The following LRRC27 variants were observed in gnomAD, a reference collection of about 807,000 sequenced individuals.
LRRC27 encodes the protein leucine-rich repeat-containing protein 27.
Under a neutral mutation model 55.0 loss-of-function variants are expected in LRRC27, and 57 were observed. That is an observed-to-expected ratio of 1.04 (90% CI 0.84 to 1.29). LRRC27 has a LOEUF of 1.29. Among genes scored for constraint, LRRC27 ranks in the 50% most tolerant of loss-of-function variants. The pLI is 0.00. For synonymous variants in LRRC27, 278 were observed against 251.9 expected (o/e 1.10, Z -0.98); for missense variants, 721 against 651.5 (o/e 1.11, Z -1.16).
intron 2 of LRRC27, among the ~76,000 whole-genome samples, chr10:132,335,582 G>T (rs985375618): frequency 6.8e-6 from 1 of 146,952 alleles, no homozygotes; most frequent in African/African-American, 2.6e-5. Context: ...CTATGGGGGG[G>T]GTCACAGTCT....
At chr10:132,347,913 C>T in intron 5 of LRRC27, 71 bp from the exon 6 acceptor site, 2 of 1,513,518 alleles carry the variant, frequency 1.3e-6, no homozygotes, top group Non-Finnish European at 1.8e-6. Context: ...CAGGCCGTCA[C>T]TGGCTTTTTG....
Position 132,333,595 on chromosome 10 carries a change from C to T in LRRC27, c.71C>T (p.Thr24Ile). The change falls in exon 2 of 11, where the codon ACT (threonine) becomes ATT (isoleucine). Residue 24 changes from threonine to isoleucine, a missense_variant. Thr to Ile is a moderately conservative substitution (Grantham distance 89). Coordinates refer to ENST00000368614, the MANE Select transcript of LRRC27 (RefSeq NM_030626.3). ...GATCTGGAGGAGGGTGCTGGTCAGA[C>T]TAGGAGCTTGCCTGCCACCCCCTCC... ...AADLEEGAGQ[T>I]RSLPATPSKD... The T allele has an allele frequency of 6.2e-7, 1 of 1,612,534 alleles. No homozygotes were observed. The highest frequency in any genetic ancestry group is 8.5e-7 in the Non-Finnish European group (1 of 1,180,002).
chr10:132,356,384 G>A (rs1456240596), intron 8 of LRRC27, among the ~76,000 whole-genome samples: 1 of 152,044 alleles, frequency 6.6e-6, no homozygotes, highest in Non-Finnish European at 1.5e-5. Flanking sequence ...TATGGGACAT[G>A]GGATATCCTG....
Position 132,375,328 on chromosome 10 carries a change from G to T in LRRC27, c.*86G>T. 10 of 1,307,282 alleles carry T rather than the reference G, an allele frequency of 7.6e-6. No homozygotes were observed. Among genetic ancestry groups the T allele is most frequent in the Non-Finnish European group, 1.1e-5 (10 of 948,626 alleles). The allele number at this position is 1,307,282 out of a possible 1,614,324, so 81.0% of individuals were successfully genotyped here. Reference sequence around the variant, plus strand: ...GGGCGTCGCCTCCTGTGTGGTGCCGGAAGAGCGCCAGGTTCAGTGTTACCC... The same window carrying T: ...GGGCGTCGCCTCCTGTGTGGTGCCGTAAGAGCGCCAGGTTCAGTGTTACCC... On this transcript the variant is annotated 3_prime_UTR_variant, in exon 11 of 11. Coordinates refer to ENST00000368614, the MANE Select transcript of LRRC27 (RefSeq NM_030626.3).
chr10:132,340,125 G>C (rs946549911), intron 3 of LRRC27, among the ~76,000 whole-genome samples: 1 of 152,142 alleles, frequency 6.6e-6, no homozygotes. Flanking sequence ...GCATGGATCC[G>C]TTCATTTACC....
chr10:132,365,355 T>C (rs2069018514), intron 9 of LRRC27, 69 bp from the exon 10 acceptor site: 11 of 1,579,090 alleles, frequency 7.0e-6, no homozygotes, highest in Non-Finnish European at 9.5e-6. Context: ...TCTCCCTGGT[T>C]ATGGCGGGAG....
At chr10:132,332,947 C>G (rs1216634831) in intron 1 of LRRC27, among the ~76,000 whole-genome samples, 1 of 152,148 alleles carries the variant, frequency 6.6e-6, no homozygotes, top group African/African-American at 2.4e-5. Context: ...TGCTGGACAA[C>G]GAAAATTCGA....
intron 9 of LRRC27, among the ~76,000 whole-genome samples, 189 bp downstream of exon 9, chr10:132,361,764 G>T (rs1426959965): frequency 3.3e-5 from 5 of 152,090 alleles, no homozygotes; most frequent in African/African-American, 1.2e-4. Context: ...GGAAGATGGG[G>T]TCCTTGCCCT....
intron 10 of LRRC27, among the ~76,000 whole-genome samples, chr10:132,369,977 C>T (rs2133102653): frequency 1.3e-5 from 2 of 152,224 alleles, no homozygotes; most frequent in South Asian, 4.1e-4. Context: ...ACCTGTCTCT[C>T]CATTGACTTT....
chr10:132,331,585 A>T, upstream of LRRC27: 1 of 1,612,940 alleles, frequency 6.2e-7, no homozygotes, highest in Non-Finnish European at 8.5e-7. Context: ...AGGAAGCCCC[A>T]GGAGAGACGC....
chr10:132,374,443 G>GC lies in LRRC27; in HGVS notation c.1417-617dup, dbSNP rs1202250687. ...CCCTCCTCAGTTTATCCACCTGAGG[G>GC]CCCCCCGCAGTGCCCTCCTCAGCCT... On this transcript the variant is annotated intron_variant, in intron 10 of 10. Transcript: ENST00000368614. The surrounding 1 kb of genome is among the most constrained non-coding windows in gnomAD (Gnocchi z 4.4). 2.0e-5 allele frequency among the ~76,000 whole-genome samples: 3 copies of GC among 152,108 alleles called. No homozygotes were observed. Among genetic ancestry groups the GC allele is most frequent in the African/African-American group, 7.2e-5 (3 of 41,426 alleles).
chr10:132,373,976 CAAGT>C (rs2069280688), intron 10 of LRRC27, among the ~76,000 whole-genome samples: 1 of 152,226 alleles, frequency 6.6e-6, no homozygotes, highest in Non-Finnish European at 1.5e-5. Context: ...GGGTCAGTAA[CAAGT>C]AACATTGACC....
At chr10:132,331,747 T>A (rs541935776), upstream of LRRC27, 1 of 1,611,638 alleles carries the variant, frequency 6.2e-7, no homozygotes, top group East Asian at 2.2e-5. Context: ...CCCGCTCTCT[T>A]CCTTCCCCTC....
At chr10:132,362,515 C>G (rs542670325) in intron 9 of LRRC27, among the ~76,000 whole-genome samples, 2 of 152,128 alleles carry the variant, frequency 1.3e-5, no homozygotes, top group Non-Finnish European at 2.9e-5. Flanking sequence ...AGGACGGAAG[C>G]TGGAGGCTGG....
chr10:132,369,385 C>T (rs1325322887), intron 10 of LRRC27, among the ~76,000 whole-genome samples: 2 of 152,140 alleles, frequency 1.3e-5, no homozygotes, highest in African/African-American at 4.8e-5. Context: ...CAGCAGGTGA[C>T]TGGATAAACT....
At position 132,372,999 on chromosome 10, in the gene LRRC27, C is replaced by T. The variant is rs552749990; in HGVS notation, c.1417-2067C>T. On this transcript the variant is annotated intron_variant, in intron 10 of 10. Transcript: ENST00000368614. The surrounding 1 kb of genome is among the most constrained non-coding windows in gnomAD (Gnocchi z 4.0). ...AGGCCAAAGCCAGCCGGCTGGGGAG[C>T]GAGCTTCGAATGGATGCGAACATTA... Among the ~76,000 whole-genome samples the T allele has an allele frequency of 7.9e-5, 12 of 152,126 alleles. No homozygotes were observed. Among genetic ancestry groups the T allele is most frequent in the East Asian group, 7.7e-4 (4 of 5,168 alleles).
rs2069372565 is a variant in LRRC27 at position 132,378,817 on chromosome 10, G to C, written c.*3575G>C. 6.6e-6 allele frequency: 1 copy of C among 152,650 alleles called. No individual in the cohort carries two copies. Among genetic ancestry groups the C allele is most frequent in the Admixed American group, 6.5e-5 (1 of 15,292 alleles). 9.5% of individuals were successfully genotyped at this position (152,650 alleles called of 1,614,324 possible). A position where few individuals can be genotyped will look rare whatever the true frequency, so the allele number is the denominator to read the frequency against. On this transcript the variant is annotated 3_prime_UTR_variant, in exon 11 of 11. Coordinates refer to ENST00000368614, the MANE Select transcript of LRRC27 (RefSeq NM_030626.3). ...TTTCCTCGGCCGAGTCAGGCTTCCTGGTGAGCCTCAGGGAGTGCATGGTCT... is the reference window on the plus strand; with the variant it reads ...TTTCCTCGGCCGAGTCAGGCTTCCTCGTGAGCCTCAGGGAGTGCATGGTCT...
In LRRC27 at chr10:132,333,496, G is replaced by A. The variant is rs377723870; in HGVS notation, c.-29G>A. Reference sequence around the variant, plus strand: ...CTCCAGGTGACTCCAGACCAAGGAGGATGAGCTGCTGTCCCTGGAAGAGAA... The same window carrying A: ...CTCCAGGTGACTCCAGACCAAGGAGAATGAGCTGCTGTCCCTGGAAGAGAA... On this transcript the variant is annotated 5_prime_UTR_variant, in exon 2 of 11. Coordinates refer to ENST00000368614, the MANE Select transcript of LRRC27 (RefSeq NM_030626.3). The A allele has an allele frequency of 1.9e-5, 30 of 1,545,804 alleles. No homozygotes were observed. Among genetic ancestry groups the A allele is most frequent in the Non-Finnish European group, 2.5e-5 (28 of 1,142,158 alleles).
In LRRC27 at chr10:132,337,843, C is replaced by T. The variant is rs1320378800; in HGVS notation, c.341+148C>T. 63 of 879,446 alleles carry T rather than the reference C, an allele frequency of 7.2e-5. 1 individual carries two copies. The South Asian group carries it at 8.7e-4, about 12-fold the overall frequency. 54.5% of individuals were successfully genotyped at this position (879,446 alleles called of 1,614,324 possible). A position where few individuals can be genotyped will look rare whatever the true frequency, so the allele number is the denominator to read the frequency against. ...ATTTTTAAAGCCAGCTAAGAGGTTGCGACGGCTGAATGTACCCAACACAGA... is the reference window on the plus strand; with the variant it reads ...ATTTTTAAAGCCAGCTAAGAGGTTGTGACGGCTGAATGTACCCAACACAGA... On this transcript the variant is annotated intron_variant, in intron 3 of 10. Transcript: ENST00000368614.
Sources: allele counts gnomAD v4.1 joint callset (sites outside exome capture counted in the v4.1 genomes callset), GRCh38; gene constraint gnomAD v4.1.1; non-coding constraint Gnocchi (gnomAD v3.1); transcripts MANE v1.5; gene names NCBI Gene and HGNC (gene_info 2026-07-23, HGNC 2026-07-21).